Variants in ABCB11 observed in about 807,000 individuals in gnomAD.
ABCB11 encodes bile salt export pump.
ABCB11 carries 95 observed loss-of-function variants against 148.0 expected under a neutral mutation model. The ratio of observed to expected loss-of-function variants is 0.64; its 90% CI spans 0.54 to 0.76. The LOEUF is 0.76. Ranked by LOEUF, ABCB11 falls within the 30% of genes least tolerant of loss-of-function variation. The pLI is 0.00. For missense variants in ABCB11, 1,523 were observed against 1,617.8 expected, an observed-to-expected ratio of 0.94 and a Z score of 1.01; for synonymous variants, 591 against 555.4, an observed-to-expected ratio of 1.06 and a Z score of -0.90.
intron 21 of ABCB11, among the ~76,000 whole-genome samples, chr2:168,943,486 A>T (rs1442091967): frequency 6.6e-6 from 1 of 152,028 alleles, no homozygotes; most frequent in African/African-American, 2.4e-5. Context: ...ATGAGAATGA[A>T]GTATTGTGCA....
chr2:168,984,434 T>C (rs189771609), intron 10 of ABCB11, among the ~76,000 whole-genome samples: 144 of 152,298 alleles, frequency 9.5e-4, no homozygotes, highest in African/African-American at 3.1e-3. Context: ...TAATTACTTA[T>C]TGAATGAATA....
chr2:168,981,607 G>A (rs919579548), intron 10 of ABCB11, among the ~76,000 whole-genome samples: 6 of 152,014 alleles, frequency 3.9e-5, no homozygotes, highest in South Asian at 2.1e-4. Context: ...CTTAGGAGGC[G>A]GTAAAGGAAG....
At chr2:169,009,964 C>T (rs1455136783) in intron 5 of ABCB11, among the ~76,000 whole-genome samples, 1 of 152,014 alleles carries the variant, frequency 6.6e-6, no homozygotes, top group East Asian at 1.9e-4. Context: ...GACTGAAATC[C>T]AAGTGAAAGG....
At chr2:168,996,456 G>T (rs1393126435) in intron 6 of ABCB11, among the ~76,000 whole-genome samples, 179 bp downstream of exon 6, 2 of 151,914 alleles carry the variant, frequency 1.3e-5, no homozygotes, top group Non-Finnish European at 2.9e-5. Flanking sequence ...ACAGCCACTT[G>T]TATCCTCCTA....
In ABCB11 at chr2:168,939,942, G is replaced by A. The variant is rs554091474; in HGVS notation, c.2611-3509C>T. Among the ~76,000 whole-genome samples the A allele has an allele frequency of 2.6e-5, 4 of 152,082 alleles. No homozygotes were observed. The South Asian group carries it at 8.3e-4, about 32-fold the overall frequency. On this transcript the variant is annotated intron_variant, in intron 21 of 27. Coordinates refer to ENST00000650372, the MANE Select transcript of ABCB11 (RefSeq NM_003742.4). ...TGGCATTATTATTGCCATCGTTTTA[G>A]AGCACCACGAACCACGCCAATATAA...
intron 10 of ABCB11, among the ~76,000 whole-genome samples, chr2:168,983,482 C>T (rs1369610701): frequency 6.6e-6 from 1 of 152,164 alleles, no homozygotes; most frequent in African/African-American, 2.4e-5. Context: ...CCCATCCATA[C>T]TATCTCTTTA....
intron 27 of ABCB11, 22 bp downstream of exon 27, chr2:168,924,635 A>G: frequency 6.2e-7 from 1 of 1,612,668 alleles, no homozygotes; most frequent in Non-Finnish European, 8.5e-7. Context: ...ATGATCTAAG[A>G]CTTTAGAAAT....
At chr2:168,997,315 T>C (rs1468830344) in intron 5 of ABCB11, among the ~76,000 whole-genome samples, 1 of 152,110 alleles carries the variant, frequency 6.6e-6, no homozygotes, top group Admixed American at 6.6e-5. Flanking sequence ...TTATTAGCCC[T>C]GTCTTTTTGC....
At chr2:168,993,108 G>C (rs1265002824) in intron 8 of ABCB11, among the ~76,000 whole-genome samples, 2 of 151,916 alleles carry the variant, frequency 1.3e-5, no homozygotes, top group East Asian at 3.9e-4. Flanking sequence ...TCTTGGAATG[G>C]GTCAGATCAC....
intron 17 of ABCB11, 66 bp downstream of exon 17, chr2:168,968,355 GAGGATT>G (rs1206292450): frequency 2.1e-6 from 3 of 1,398,292 alleles, no homozygotes; most frequent in Non-Finnish European, 3.0e-6. Context: ...GATATTCTCT[GAGGATT>G]AGGACTACAG....
chr2:169,026,552 G>T (rs1462804740), intron 1 of ABCB11, among the ~76,000 whole-genome samples: 1 of 152,190 alleles, frequency 6.6e-6, no homozygotes, highest in Admixed American at 6.5e-5. Flanking sequence ...GAAATTTCTA[G>T]AAAGAATGAA....
chr2:168,993,041 T>G (rs184192761), intron 8 of ABCB11, among the ~76,000 whole-genome samples: 18 of 152,174 alleles, frequency 1.2e-4, no homozygotes, highest in African/African-American at 4.1e-4. Flanking sequence ...AAATTCCTAT[T>G]CCTATATGTT....
rs76157353 is a variant in ABCB11 at position 169,027,353 on chromosome 2, C to T, written c.-28+3872G>A. Reference sequence around the variant, plus strand: ...AATTGTCCACACCAACTCCAGTGTTCCTCTCTGCTAAGTGACATGTGGTCT... The same window carrying T: ...AATTGTCCACACCAACTCCAGTGTTTCTCTCTGCTAAGTGACATGTGGTCT... On this transcript the variant is annotated intron_variant, in intron 1 of 27. Coordinates refer to ENST00000650372, the MANE Select transcript of ABCB11 (RefSeq NM_003742.4). Among the ~76,000 whole-genome samples the T allele has an allele frequency of 7.1e-3, 1,087 of 152,330 alleles. 8 individuals carry two copies. Among genetic ancestry groups the T allele is most frequent in the Non-Finnish European group, 8.9e-3 (608 of 68,028 alleles).
intron 5 of ABCB11, among the ~76,000 whole-genome samples, chr2:169,001,141 CT>C (rs1694859258): frequency 6.6e-6 from 1 of 152,160 alleles, no homozygotes; most frequent in Non-Finnish European, 1.5e-5. Flanking sequence ...AGTGTCTTAT[CT>C]ATTTCCAAAT....
intron 19 of ABCB11, among the ~76,000 whole-genome samples, chr2:168,953,906 T>C (rs1101532): frequency 0.58 from 87,440 of 151,306 alleles, 25,493 homozygotes; most frequent in South Asian, 0.69. Flanking sequence ...AAGACCCCTC[T>C]CTGCTTTGGC....
At chr2:168,941,832 TTAAGA>T (rs939595983) in intron 21 of ABCB11, among the ~76,000 whole-genome samples, 1 of 152,024 alleles carries the variant, frequency 6.6e-6, no homozygotes, top group African/African-American at 2.4e-5. Context: ...TATTAATAAA[TTAAGA>T]TATGTACATT....
intron 12 of ABCB11, among the ~76,000 whole-genome samples, chr2:168,975,070 A>C (rs1332590904): frequency 7.3e-6 from 1 of 137,704 alleles, no homozygotes; most frequent in East Asian, 2.2e-4. Context: ...AATATAGATA[A>C]ATATATAAAT....
intron 9 of ABCB11, among the ~76,000 whole-genome samples, chr2:168,988,897 A>G (rs1247158154): frequency 6.6e-6 from 1 of 151,746 alleles, no homozygotes; most frequent in Non-Finnish European, 1.5e-5. Context: ...TGCCTGTTGT[A>G]TGTTTCTTTT....
intron 19 of ABCB11, among the ~76,000 whole-genome samples, chr2:168,957,135 C>T (rs1307648317): frequency 6.6e-6 from 1 of 151,566 alleles, no homozygotes; most frequent in African/African-American, 2.4e-5. Flanking sequence ...GTACTGTTTC[C>T]ATGATCAAAT....
Sources: allele counts gnomAD v4.1 joint callset (sites outside exome capture counted in the v4.1 genomes callset), GRCh38; gene constraint gnomAD v4.1.1; transcripts MANE v1.5; gene names NCBI Gene and HGNC (gene_info 2026-07-23, HGNC 2026-07-21).